Variants in MCM9 observed in about 807,000 individuals in gnomAD.
MCM9 encodes minichromosome maintenance 9 homologous recombination repair factor.
In MCM9, 55 loss-of-function variants were observed where a neutral mutation model predicts 72.8. The ratio of observed to expected loss-of-function variants is 0.76; its 90% CI spans 0.61 to 0.95. The LOEUF is 0.95. Among genes scored for constraint, MCM9 ranks in the 40% least tolerant of loss-of-function variants. MCM9 has a pLI of 0.00. For missense variants in MCM9, 1,279 were observed against 1,377.0 expected (o/e 0.93, Z 1.13); for synonymous variants, 480 against 503.4 (o/e 0.95, Z 0.62).
intron 9 of MCM9, among the ~76,000 whole-genome samples, chr6:118,842,829 A>T (rs374316796): frequency 1.3e-5 from 2 of 151,924 alleles, no homozygotes; most frequent in Non-Finnish European, 2.9e-5. Context: ...CCCCTTTTTT[A>T]AAAAAAACTC....
At chr6:118,836,963 T>C (rs533854461) in intron 9 of MCM9, among the ~76,000 whole-genome samples, 5 of 152,338 alleles carry the variant, frequency 3.3e-5, no homozygotes, top group African/African-American at 9.6e-5. Flanking sequence ...AATTGTGATG[T>C]TGGGGTGCTG....
chr6:118,923,778 A>T (rs771199004), intron 4 of MCM9, 33 bp downstream of exon 4: 14 of 1,590,176 alleles, frequency 8.8e-6, no homozygotes, highest in Admixed American at 1.7e-5. Flanking sequence ...ACACTTCTTC[A>T]AATTTATTTA....
At chr6:118,930,965 T>C (rs1177591216) in intron 3 of MCM9, among the ~76,000 whole-genome samples, 1 of 152,226 alleles carries the variant, frequency 6.6e-6, no homozygotes, top group Non-Finnish European at 1.5e-5. Flanking sequence ...CTGTCATGCA[T>C]TCAACAAAAA....
intron 8 of MCM9, among the ~76,000 whole-genome samples, chr6:118,868,252 A>G (rs909463056): frequency 1.3e-5 from 2 of 152,246 alleles, no homozygotes; most frequent in African/African-American, 2.4e-5. Flanking sequence ...AATGCAAATT[A>G]TAAAAAGACA....
rs140536771 is a variant in MCM9, at chr6:118,911,711, T to C, written c.1089A>G (p.Lys363=). ...DPGTGKSQFL[K]YAAKITPRSV... is the part of the protein sequence containing the mutation. ...ATCTTGGTGTAATCTTTGCTGCATATTTGAGGAACTGAGATTTCCCTGTGC... is the reference window on the plus strand; with the variant it reads ...ATCTTGGTGTAATCTTTGCTGCATACTTGAGGAACTGAGATTTCCCTGTGC... Residue 363 remains lysine, a synonymous_variant, in exon 8 of 14, where the codon AAA becomes AAG. Coordinates refer to ENST00000619706, the MANE Select transcript of MCM9 (RefSeq NM_017696.3). 5.6e-6 allele frequency: 9 copies of C among 1,613,744 alleles called. No homozygotes were observed. The highest frequency in any genetic ancestry group is 7.6e-6 in the Non-Finnish European group (9 of 1,179,886).
intron 13 of MCM9, among the ~76,000 whole-genome samples, chr6:118,818,611 G>A (rs938377685): frequency 2.0e-5 from 3 of 152,158 alleles, no homozygotes; most frequent in Non-Finnish European, 4.4e-5. Context: ...GGCTATACCG[G>A]CTCTATTTTG....
chr6:118,894,050 T>G, intron 8 of MCM9: 1 of 1,052,526 alleles, frequency 9.5e-7, no homozygotes, highest in Non-Finnish European at 1.1e-6. Flanking sequence ...TTTGTCCTAA[T>G]CCACACCAGC....
chr6:118,920,362 A>AC (rs1468862882), intron 5 of MCM9: 1 of 152,298 alleles, frequency 6.6e-6, no homozygotes, highest in Admixed American at 6.5e-5. Context: ...ATCCGAAGAC[A>AC]CTGGCATCCT....
At chr6:118,820,498 G>T (rs375026098) in intron 13 of MCM9, among the ~76,000 whole-genome samples, 21 of 152,192 alleles carry the variant, frequency 1.4e-4, no homozygotes, top group African/African-American at 4.8e-4. Flanking sequence ...TGTTTGTGAT[G>T]ATTTCCAATC....
chr6:118,917,896 A>G, intron 5 of MCM9, 135 bp from the exon 6 acceptor site: 1 of 703,608 alleles, frequency 1.4e-6, no homozygotes, highest in Non-Finnish European at 2.4e-6. Flanking sequence ...CATCCAGAAA[A>G]CAATTCAGGG....
intron 9 of MCM9, among the ~76,000 whole-genome samples, chr6:118,851,420 A>G (rs1438128321): frequency 1.3e-5 from 2 of 151,872 alleles, no homozygotes; most frequent in East Asian, 3.8e-4. Context: ...GAATAGAGTT[A>G]TCATAATTAC....
intron 9 of MCM9, among the ~76,000 whole-genome samples, chr6:118,854,819 C>A (rs1467167226): frequency 2.0e-5 from 3 of 152,212 alleles, no homozygotes; most frequent in Non-Finnish European, 1.5e-5. Context: ...TCAAATGTTA[C>A]ACCAACCTTT....
At chr6:118,921,557 G>C (rs971582796) in intron 5 of MCM9, 3 of 153,744 alleles carry the variant, frequency 2.0e-5, no homozygotes, top group African/African-American at 7.2e-5. Flanking sequence ...AGAGAGGAAT[G>C]ATGTCCTTTC....
At chr6:118,917,533 T>A in intron 6 of MCM9, 28 bp downstream of exon 6, 1 of 1,594,568 alleles carries the variant, frequency 6.3e-7, no homozygotes, top group Non-Finnish European at 8.6e-7. Context: ...CCATTAATAA[T>A]AATCAGTTTT....
In MCM9 at chr6:118,856,433, C is replaced by T. The variant is rs1562412324; in HGVS notation, c.1263G>A (p.Glu421=). 2 of 1,535,554 alleles carry T rather than the reference C, an allele frequency of 1.3e-6. No homozygotes were observed. The highest frequency in any genetic ancestry group is 8.7e-7 in the Non-Finnish European group (1 of 1,146,886). The part of the protein sequence containing the change: ...CCIDEFNSLK[E]HDRTSIHEAM... ...CTTCATGGATACTGGTCCTATCATG[C>T]TCTTTGAGGCTATTGAACTCATCAA... is the stretch of plus-strand genomic sequence containing the variant. The change falls in exon 9 of 14, where the codon GAG becomes GAA. Residue 421 remains glutamate, a synonymous_variant. Coordinates refer to ENST00000619706, the MANE Select transcript of MCM9 (RefSeq NM_017696.3).
rs1260048076 is a variant in MCM9, at chr6:118,851,657, AG to A, written c.1325+4713del. On this transcript the variant is annotated intron_variant, in intron 9 of 13. Coordinates refer to ENST00000619706, the MANE Select transcript of MCM9 (RefSeq NM_017696.3). ...ATCTATGTGTTAAAATGCTCAGAAA[AG>A]TAAAAATTCTTACGTAAATGTAAAG... Among the ~76,000 whole-genome samples the A allele has an allele frequency of 3.9e-5, 6 of 152,004 alleles. No homozygotes were observed. In the East Asian group the frequency reaches 9.6e-4, roughly 24 times the overall value.
chr6:118,828,433 TG>T, intron 10 of MCM9, among the ~76,000 whole-genome samples: 1 of 152,104 alleles, frequency 6.6e-6, no homozygotes, highest in South Asian at 2.1e-4. Context: ...TCACCCAGGC[TG>T]GAGCGCAGTA....
intron 8 of MCM9, among the ~76,000 whole-genome samples, chr6:118,859,233 A>G (rs983401710): frequency 6.6e-6 from 1 of 152,226 alleles, no homozygotes; most frequent in Non-Finnish European, 1.5e-5. Context: ...ATGAATCTTG[A>G]TCATACCTCA....
Position 118,862,588 on chromosome 6 carries a change from G to C in MCM9, c.1151-6043C>G, listed in dbSNP as rs746134536. On this transcript the variant is annotated intron_variant, in intron 8 of 13. Transcript: ENST00000619706. ...TCCCTCACATGCACAGTTCACCATAGGGTTCATGCTCCTATGAGAGTCTCA... is the reference window on the plus strand; with the variant it reads ...TCCCTCACATGCACAGTTCACCATACGGTTCATGCTCCTATGAGAGTCTCA... Among the ~76,000 whole-genome samples, 133 of 152,158 alleles carry C rather than the reference G, an allele frequency of 8.7e-4. 1 individual carries two copies. The highest frequency in any genetic ancestry group is 1.2e-3 in the Admixed American group (19 of 15,288).
Sources: allele counts gnomAD v4.1 joint callset (sites outside exome capture counted in the v4.1 genomes callset), GRCh38; gene constraint gnomAD v4.1.1; transcripts MANE v1.5; gene names NCBI Gene and HGNC (gene_info 2026-07-23, HGNC 2026-07-21).